The following ZSCAN18 variants were observed in gnomAD, a reference collection of about 807,000 sequenced individuals.
ZSCAN18 encodes zinc finger and SCAN domain containing 18.
Under a neutral mutation model 31.1 loss-of-function variants are expected in ZSCAN18, and 16 were observed. That is an observed-to-expected ratio of 0.51 (90% CI 0.35 to 0.78). ZSCAN18 has a LOEUF of 0.78. Among genes scored for constraint, ZSCAN18 ranks in the 30% least tolerant of loss-of-function variants. ZSCAN18 has a pLI of 0.01. For missense variants in ZSCAN18, 731 were observed against 697.4 expected (o/e 1.05, Z -0.54); for synonymous variants, 375 against 320.7 (o/e 1.17, Z -1.81).
At chr19:58,109,288 A>G (rs986233504) in intron 1 of ZSCAN18, 91 of 1,231,592 alleles carry the variant, frequency 7.4e-5, no homozygotes, top group Non-Finnish European at 1.3e-5. Context: ...CTTCCATTTG[A>G]CTTTTGTTTC....
At chr19:58,095,679 C>T (rs900486852) in intron 1 of ZSCAN18, among the ~76,000 whole-genome samples, 9 of 152,134 alleles carry the variant, frequency 5.9e-5, no homozygotes, top group South Asian at 4.1e-4. Context: ...GTGGGGAGGA[C>T]GGGACACCCT....
chr19:58,112,899 C>A, intron 1 of ZSCAN18, among the ~76,000 whole-genome samples: 1 of 120,996 alleles, frequency 8.3e-6, no homozygotes, highest in African/African-American at 3.1e-5. Context: ...TGCAGTGAAC[C>A]AAAATCACAC....
intron 1 of ZSCAN18, among the ~76,000 whole-genome samples, chr19:58,110,333 C>G (rs1259969953): frequency 1.3e-5 from 2 of 152,144 alleles, no homozygotes; most frequent in Admixed American, 1.3e-4. Context: ...ACCATTCTTC[C>G]TTCACCTGTC....
chr19:58,112,402 G>A (rs1395213679), intron 1 of ZSCAN18, among the ~76,000 whole-genome samples: 1 of 152,056 alleles, frequency 6.6e-6, no homozygotes, highest in Non-Finnish European at 1.5e-5. Flanking sequence ...TGTAATCTCA[G>A]CACTTTGGGA....
chr19:58,102,498 T>C (rs1433530345), upstream of ZSCAN18, among the ~76,000 whole-genome samples: 1 of 148,968 alleles, frequency 6.7e-6, no homozygotes, highest in African/African-American at 2.5e-5. Flanking sequence ...ACAAACCATA[T>C]ACTCTTCTGT....
chr19:58,114,136 C>T (rs1042500774), intron 1 of ZSCAN18, among the ~76,000 whole-genome samples: 4 of 152,114 alleles, frequency 2.6e-5, no homozygotes, highest in South Asian at 2.1e-4. Context: ...GGCATGGTGG[C>T]ACGTGCCTAT....
At chr19:58,091,547 G>A (rs1424556103) in intron 1 of ZSCAN18, among the ~76,000 whole-genome samples, 1 of 151,002 alleles carries the variant, frequency 6.6e-6, no homozygotes, top group African/African-American at 2.4e-5. Flanking sequence ...TGGGGGGTGG[G>A]GGGTGGGGGA....
intron 1 of ZSCAN18, among the ~76,000 whole-genome samples, chr19:58,097,524 T>C (rs925510691): frequency 6.6e-6 from 1 of 151,328 alleles, no homozygotes; most frequent in African/African-American, 2.4e-5. Context: ...AGAGGCGAGA[T>C]ATTCCAAGGG....
intron 3 of ZSCAN18, 128 bp downstream of exon 3, chr19:58,088,560 C>G: frequency 1.1e-6 from 1 of 885,802 alleles, no homozygotes; most frequent in Non-Finnish European, 1.7e-6. Flanking sequence ...GGAGGAAGTC[C>G]CAATGATAGC....
intron 3 of ZSCAN18, chr19:58,087,970 T>C (rs2074317735): frequency 6.3e-6 from 1 of 157,708 alleles, no homozygotes; most frequent in Admixed American, 6.1e-5. Flanking sequence ...CAACACCACA[T>C]AGTGCTGGGC....
Position 58,108,807 on chromosome 19 carries a change from A to C in ZSCAN18, c.130+9460T>G, listed in dbSNP as rs531425876. 8.4e-5 allele frequency: 83 copies of C among 985,052 alleles called. No homozygotes were observed. The African/African-American group carries it at 1.4e-3, about 17-fold the overall frequency. 61.0% of individuals were successfully genotyped at this position (985,052 alleles called of 1,614,324 possible). A position where few individuals can be genotyped will look rare whatever the true frequency, so the allele number is the denominator to read the frequency against. On this transcript the variant is annotated intron_variant, in intron 1 of 1. Transcript: ENST00000595721. ...ATGTTGTTCACTAAGGTGTGTAGAA[A>C]GGCTGAAGGAGTTACCACCTTCGTT...
intron 3 of ZSCAN18, chr19:58,087,636 C>CT (rs35453706): frequency 0.1 from 42,904 of 417,226 alleles, 1,241 homozygotes; most frequent in African/African-American, 0.2. Flanking sequence ...TCATGGAAAT[C>CT]TTTTTTTTTT....
At position 58,088,741 on chromosome 19, in the gene ZSCAN18, G is replaced by A. The variant is rs556563026; in HGVS notation, c.500C>T (p.Ala167Val). ...MDPLLLPGEL[A>V]SPSQALGAGE... ...AGCTCCAAGGGCCTGGCTGGGGCTC[G>A]CGAGCTCGCCTGGTAGCAGCAGAGG... is the stretch of plus-strand genomic sequence containing the variant. The change falls in exon 3 of 7, where the codon GCG (alanine) becomes GTG (valine). Residue 167 changes from alanine to valine, a missense_variant. Coordinates refer to ENST00000601144, the MANE Select transcript of ZSCAN18 (RefSeq NM_001145543.2). 14 of 1,607,334 alleles carry A rather than the reference G, an allele frequency of 8.7e-6. No individual in the cohort carries two copies. The highest frequency in any genetic ancestry group is 1.6e-4 in the Middle Eastern group (1 of 6,078).
At chr19:58,103,526 C>G (rs1450122537) in intron 1 of ZSCAN18, among the ~76,000 whole-genome samples, 1 of 152,122 alleles carries the variant, frequency 6.6e-6, no homozygotes, top group East Asian at 1.9e-4. Flanking sequence ...TGTAATTGTT[C>G]TGGAGTGAAA....
chr19:58,087,351 T>C lies in ZSCAN18; in HGVS notation c.607A>G (p.Lys203Glu). Residue 203 changes from lysine (K) to glutamate (E), a missense_variant, in exon 4 of 7, where the codon AAG becomes GAG. Coordinates refer to ENST00000601144, the MANE Select transcript of ZSCAN18 (RefSeq NM_001145543.2). The part of the protein sequence containing the change: ...FLEQRRVREA[K>E]TEEDGPANTE... ...TTGGCAGGGCCGTCCTCTTCGGTCTTTGCTTCTCTGACCCTCCTCTGTTCC... is the reference window on the plus strand; with the variant it reads ...TTGGCAGGGCCGTCCTCTTCGGTCTCTGCTTCTCTGACCCTCCTCTGTTCC... 6.2e-7 allele frequency: 1 copy of C among 1,607,824 alleles called. No homozygotes were observed. Among genetic ancestry groups the C allele is most frequent in the Non-Finnish European group, 8.5e-7 (1 of 1,177,176 alleles).
chr19:58,105,544 C>G (rs1362575149), intron 1 of ZSCAN18, among the ~76,000 whole-genome samples: 5 of 152,104 alleles, frequency 3.3e-5, no homozygotes, highest in Admixed American at 2.6e-4. Flanking sequence ...GCCTGTAGTC[C>G]CAGCTACTCG....
At chr19:58,101,096 AAC>A (rs1327586524), upstream of ZSCAN18, among the ~76,000 whole-genome samples, 1 of 151,498 alleles carries the variant, frequency 6.6e-6, no homozygotes, top group East Asian at 1.9e-4. Flanking sequence ...GCTACAGAGT[AAC>A]AACATCAGGT....
chr19:58,086,439 A>C (rs898560872), intron 5 of ZSCAN18, 173 bp from the exon 6 acceptor site: 39 of 540,820 alleles, frequency 7.2e-5, no homozygotes, highest in African/African-American at 2.5e-4. Flanking sequence ...GCAAAGAAGA[A>C]GGCGAGGCTG....
chr19:58,100,405 AG>A (rs1361436694), upstream of ZSCAN18, among the ~76,000 whole-genome samples: 1 of 152,174 alleles, frequency 6.6e-6, no homozygotes, highest in Admixed American at 6.5e-5. Flanking sequence ...TCACCAACCC[AG>A]CTCTCTCAAT....
Sources: allele counts gnomAD v4.1 joint callset (sites outside exome capture counted in the v4.1 genomes callset), GRCh38; gene constraint gnomAD v4.1.1; transcripts MANE v1.5; gene names NCBI Gene and HGNC (gene_info 2026-07-23, HGNC 2026-07-21).